Variants in KCNQ5 observed in about 807,000 individuals in gnomAD.
KCNQ5 encodes potassium voltage-gated channel subfamily KQT member 5.
A neutral mutation model predicts 98.2 loss-of-function variants in KCNQ5; 30 were observed. The observed-to-expected ratio is 0.31, with a 90% confidence interval of 0.23 to 0.41. The LOEUF is 0.41. KCNQ5 is among the 10% of genes least tolerant of loss of function. The pLI is 1.00. For synonymous variants in KCNQ5, 458 were observed against 449.4 expected, an observed-to-expected ratio of 1.02 and a Z score of -0.24; for missense variants, 835 against 1,182.5, an observed-to-expected ratio of 0.71 and a Z score of 4.31.
At chr6:73,036,252 G>A (rs988138122) in intron 2 of KCNQ5, among the ~76,000 whole-genome samples, 21 of 151,932 alleles carry the variant, frequency 1.4e-4, no homozygotes, top group Middle Eastern at 6.8e-3. Flanking sequence ...TGGGCGTGGT[G>A]GTGGGCGCCT....
chr6:73,112,364 G>C (rs976847123), intron 7 of KCNQ5, among the ~76,000 whole-genome samples: 1 of 136,196 alleles, frequency 7.3e-6, no homozygotes, highest in Non-Finnish European at 1.6e-5. Context: ...TTTTTTTTTT[G>C]AGACAGAGTC....
rs1776141452 is a variant in KCNQ5 at position 73,129,689 on chromosome 6, A to C, written c.1248-3732A>C. ...AAATAGTCTGTGTACTTCTATATTA[A>C]AAACAATAAAGCCAAATGGCTTTGT... On this transcript the variant is annotated intron_variant, in intron 9 of 13. Coordinates refer to ENST00000370398, the MANE Select transcript of KCNQ5 (RefSeq NM_019842.4). 4 of 932,678 alleles carry C rather than the reference A, an allele frequency of 4.3e-6. No homozygotes were observed. The Admixed American group carries it at 9.4e-5, about 22-fold the overall frequency. 57.8% of individuals were successfully genotyped at this position (932,678 alleles called of 1,614,324 possible).
chr6:73,139,731 T>C (rs1015427857), intron 10 of KCNQ5, among the ~76,000 whole-genome samples: 1 of 152,152 alleles, frequency 6.6e-6, no homozygotes, highest in Non-Finnish European at 1.5e-5. Context: ...ATTTCAATCA[T>C]ATAATCCTTC....
chr6:72,755,173 C>T (rs1561962410), intron 1 of KCNQ5, among the ~76,000 whole-genome samples: 1 of 151,836 alleles, frequency 6.6e-6, no homozygotes, highest in Non-Finnish European at 1.5e-5. Flanking sequence ...TTTTGATTAG[C>T]ATTTGTGTGG....
chr6:72,907,575 G>A (rs558088029), intron 1 of KCNQ5, among the ~76,000 whole-genome samples: 1 of 152,056 alleles, frequency 6.6e-6, no homozygotes, highest in Non-Finnish European at 1.5e-5. Flanking sequence ...TAAGTAAAAG[G>A]AGCTTGGTGT....
rs189680388 is a variant in KCNQ5, at chr6:73,176,393, A to G, written c.1577+6539A>G. On this transcript the variant is annotated intron_variant, in intron 11 of 13. Coordinates refer to ENST00000370398, the MANE Select transcript of KCNQ5 (RefSeq NM_019842.4). The stretch of plus-strand genomic sequence containing the variant: ...CCTTTTGCCGTCCGCCATGATTTTA[A>G]GTTCCCTGATGCCTCCCCAGTCGTG... Among the ~76,000 whole-genome samples, 204 of 152,316 alleles carry G rather than the reference A, an allele frequency of 1.3e-3. 1 individual carries two copies. The highest frequency in any genetic ancestry group is 1.9e-3 in the Non-Finnish European group (132 of 68,032).
intron 1 of KCNQ5, among the ~76,000 whole-genome samples, chr6:72,662,448 G>C (rs1383795194): frequency 6.6e-6 from 1 of 152,092 alleles, no homozygotes; most frequent in Non-Finnish European, 1.5e-5. Context: ...TGTCTGGAAT[G>C]TTTTTATTGA....
intron 5 of KCNQ5, among the ~76,000 whole-genome samples, chr6:73,090,842 G>A (rs1448816362): frequency 2.0e-5 from 3 of 152,148 alleles, no homozygotes; most frequent in Non-Finnish European, 4.4e-5. Context: ...GAGAGGATGT[G>A]GAGAAATAGG....
At chr6:73,188,421 T>G (rs1268884170) in intron 11 of KCNQ5, among the ~76,000 whole-genome samples, 2 of 152,158 alleles carry the variant, frequency 1.3e-5, no homozygotes, top group African/African-American at 4.8e-5. Flanking sequence ...TATATGAAGA[T>G]GATTTTCCTT....
intron 1 of KCNQ5, among the ~76,000 whole-genome samples, chr6:72,950,479 A>G (rs1192928655): frequency 1.3e-5 from 2 of 152,254 alleles, no homozygotes; most frequent in African/African-American, 4.8e-5. Context: ...ACTTGTTGGT[A>G]GAATTCTAAC....
chr6:72,744,491 A>G (rs1324438745), intron 1 of KCNQ5, among the ~76,000 whole-genome samples: 1 of 152,188 alleles, frequency 6.6e-6, no homozygotes, highest in Non-Finnish European at 1.5e-5. Flanking sequence ...GTAGGAATAG[A>G]CAGCTATACA....
chr6:72,688,944 C>G (rs1381879203), intron 1 of KCNQ5, among the ~76,000 whole-genome samples: 1 of 151,902 alleles, frequency 6.6e-6, no homozygotes, highest in Non-Finnish European at 1.5e-5. Context: ...AAACAGAGCA[C>G]ATGTTAAAGT....
chr6:73,082,610 C>T (rs1388108946), intron 5 of KCNQ5, among the ~76,000 whole-genome samples: 1 of 152,180 alleles, frequency 6.6e-6, no homozygotes, highest in African/African-American at 2.4e-5. Context: ...TATATATAAG[C>T]AAAATGTCAC....
At chr6:72,636,262 G>A (rs1346379212) in intron 1 of KCNQ5, among the ~76,000 whole-genome samples, 2 of 152,094 alleles carry the variant, frequency 1.3e-5, no homozygotes, top group African/African-American at 4.8e-5. Flanking sequence ...TTACCCCAGT[G>A]GCTGTTATAA....
intron 1 of KCNQ5, among the ~76,000 whole-genome samples, chr6:72,628,577 T>C (rs2098919155): frequency 6.6e-6 from 1 of 152,212 alleles, no homozygotes. Context: ...CCAAGGTCTC[T>C]GTGCTACATA....
rs114980405 is a variant in KCNQ5, at chr6:72,931,999, T to A, written c.399-71909T>A. Among the ~76,000 whole-genome samples, 1,082 of 152,222 alleles carry A rather than the reference T, an allele frequency of 7.1e-3. 12 individuals carry two copies. Among genetic ancestry groups the A allele is most frequent in the African/African-American group, 0.025 (1,032 of 41,518 alleles). ...CACTGGAAGAGCCTTCTCTCAGGAA[T>A]CTGCAGCCCAAGAATAAACACCTGA... On this transcript the variant is annotated intron_variant, in intron 1 of 13. Transcript: ENST00000370398.
chr6:73,066,882 G>C (rs1272927841), intron 3 of KCNQ5, among the ~76,000 whole-genome samples: 1 of 152,028 alleles, frequency 6.6e-6, no homozygotes, highest in Admixed American at 6.6e-5. Context: ...TTATCTTGCT[G>C]CTCTGTTGGC....
intron 11 of KCNQ5, among the ~76,000 whole-genome samples, chr6:73,170,566 CAAAAAA>C (rs11390332): frequency 0.02 from 2,748 of 136,758 alleles, 120 homozygotes; most frequent in African/African-American, 0.071. Context: ...AACTATATTG[CAAAAAA>C]AAAAAAAAGA....
chr6:72,998,702 A>C (rs1405908832), intron 1 of KCNQ5, among the ~76,000 whole-genome samples: 1 of 151,552 alleles, frequency 6.6e-6, no homozygotes, highest in Admixed American at 6.6e-5. Context: ...ACGCCACTGC[A>C]CTCCAGCCTG....
Sources: allele counts gnomAD v4.1 joint callset (sites outside exome capture counted in the v4.1 genomes callset), GRCh38; gene constraint gnomAD v4.1.1; transcripts MANE v1.5; gene names NCBI Gene and HGNC (gene_info 2026-07-23, HGNC 2026-07-21).